Variants in VMP1 observed in about 807,000 individuals in gnomAD.
The protein encoded by VMP1 is vacuole membrane protein 1, also known as ectopic P-granules autophagy protein 3 homolog.
VMP1 carries 11 observed loss-of-function variants against 56.0 expected under a neutral mutation model. The ratio of observed to expected loss-of-function variants is 0.20; its 90% confidence interval spans 0.12 to 0.32. VMP1 has a LOEUF of 0.32. VMP1 is among the 10% of genes least tolerant of loss of function. VMP1 has a pLI of 1.00. For synonymous variants in VMP1, 149 were observed against 165.0 expected (o/e 0.90, Z 0.74); for missense variants, 296 against 490.3 (o/e 0.60, Z 3.74).
intron 7 of VMP1, among the ~76,000 whole-genome samples, chr17:59,798,949 CATTTTAATTTA>C (rs2037544658): frequency 2.6e-5 from 4 of 152,162 alleles, no homozygotes; most frequent in Non-Finnish European, 5.9e-5. Context: ...TTTCACACCG[CATTTTAATTTA>C]ATGAAACTGC....
chr17:59,832,156 CA>C (rs1183506976), intron 10 of VMP1, among the ~76,000 whole-genome samples: 1 of 148,296 alleles, frequency 6.7e-6, no homozygotes, highest in African/African-American at 2.5e-5. Context: ...TCAAGGTTCA[CA>C]GCAAGGAAAA....
At position 59,738,836 on chromosome 17, in the gene VMP1, G is replaced by T; in HGVS notation, c.304-1G>T. 6.2e-7 allele frequency: 1 copy of T among 1,605,950 alleles called. No individual in the cohort carries two copies. Among genetic ancestry groups the T allele is most frequent in the Non-Finnish European group, 8.5e-7 (1 of 1,175,508 alleles). On this transcript the variant is annotated splice_acceptor_variant, in intron 4 of 11. Coordinates refer to ENST00000262291, the MANE Select transcript of VMP1 (RefSeq NM_030938.5). LOFTEE classifies it high-confidence loss of function. ...GTTTTCACCTCATCCCTTTTTTTCA[G>T]TATGTGCAACGTATAGAGAAACAGT...
chr17:59,719,237 T>G (rs2034295901), intron 1 of VMP1, among the ~76,000 whole-genome samples: 1 of 152,138 alleles, frequency 6.6e-6, no homozygotes, highest in Non-Finnish European at 1.5e-5. Flanking sequence ...GAGCATCGCT[T>G]GAGCCCAAGA....
intron 10 of VMP1, among the ~76,000 whole-genome samples, chr17:59,832,365 A>G (rs567860734): frequency 3.3e-5 from 5 of 151,670 alleles, no homozygotes; most frequent in South Asian, 2.1e-4. Context: ...GGATTTCGCC[A>G]TGTTGCCCAG....
At chr17:59,751,237 A>C (rs2035630932) in intron 5 of VMP1, among the ~76,000 whole-genome samples, 1 of 152,010 alleles carries the variant, frequency 6.6e-6, no homozygotes, top group Admixed American at 6.6e-5. Context: ...CCATTGACAG[A>C]TTTATTTTAG....
chr17:59,818,631 G>A (rs545905454), intron 10 of VMP1, among the ~76,000 whole-genome samples: 48 of 151,888 alleles, frequency 3.2e-4, no homozygotes, highest in Non-Finnish European at 5.3e-4. Context: ...TTAGCCGGGC[G>A]TGGTGGCACA....
intron 10 of VMP1, among the ~76,000 whole-genome samples, chr17:59,824,627 C>T (rs1339173985): frequency 1.3e-5 from 2 of 149,128 alleles, no homozygotes; most frequent in East Asian, 3.9e-4. Context: ...AATCCCAGCA[C>T]TTTGGGAGGC....
intron 5 of VMP1, among the ~76,000 whole-genome samples, chr17:59,742,053 G>A (rs2035246974): frequency 6.6e-6 from 1 of 152,114 alleles, no homozygotes; most frequent in African/African-American, 2.4e-5. Flanking sequence ...CATATTATGT[G>A]AAAGTATGTG....
At chr17:59,757,335 T>G (rs1046399718) in intron 5 of VMP1, among the ~76,000 whole-genome samples, 12 of 152,182 alleles carry the variant, frequency 7.9e-5, no homozygotes, top group African/African-American at 2.9e-4. Context: ...CAATTTTTTT[T>G]GAATTCTAAG....
At chr17:59,771,226 G>A (rs537630595) in intron 6 of VMP1, among the ~76,000 whole-genome samples, 12 of 151,124 alleles carry the variant, frequency 7.9e-5, no homozygotes, top group Admixed American at 7.3e-4. Context: ...AGGCTGGAGT[G>A]CAGTGGCACA....
chr17:59,758,642 T>C (rs910816894), intron 5 of VMP1, among the ~76,000 whole-genome samples: 5 of 145,686 alleles, frequency 3.4e-5, no homozygotes, highest in African/African-American at 1.0e-4. Flanking sequence ...CTGGGCAACA[T>C]AGGGGGACCC....
chr17:59,780,642 A>C (rs1319171426), intron 7 of VMP1, among the ~76,000 whole-genome samples: 3 of 152,076 alleles, frequency 2.0e-5, no homozygotes, highest in Admixed American at 1.3e-4. Flanking sequence ...GCTGGAATGT[A>C]GTGGCGCCAT....
At chr17:59,807,832 CAAAA>C (rs543862899) in intron 7 of VMP1, among the ~76,000 whole-genome samples, 58 of 85,658 alleles carry the variant, frequency 6.8e-4, no homozygotes, top group Admixed American at 4.8e-3. Context: ...AACTCCGTCT[CAAAA>C]AAAAAAAAAA....
At position 59,773,750 on chromosome 17, in the gene VMP1, C is replaced by T; in HGVS notation, c.583-4C>T. The T allele has an allele frequency of 6.3e-7, 1 of 1,593,592 alleles. No homozygotes were observed. The highest frequency in any genetic ancestry group is 8.5e-7 in the Non-Finnish European group (1 of 1,171,974). ...CATTGTAAGTATTTTGGTTTTTCAC[C>T]TAGGGTATCGGTACAGCAATCGGAG... On this transcript the variant is annotated splice_region_variant and splice_polypyrimidine_tract_variant and intron_variant, in intron 6 of 11. Transcript: ENST00000262291.
At chr17:59,804,898 A>G (rs1206721960) in intron 7 of VMP1, among the ~76,000 whole-genome samples, 1 of 152,138 alleles carries the variant, frequency 6.6e-6, no homozygotes, top group Admixed American at 6.6e-5. Flanking sequence ...AGATTATTTG[A>G]TATATAATGT....
intron 7 of VMP1, chr17:59,784,829 A>C (rs1568141524): frequency 6.6e-6 from 1 of 152,176 alleles, no homozygotes; most frequent in African/African-American, 2.4e-5. Context: ...TGAAGATAAT[A>C]TAAAAGACAC....
intron 10 of VMP1, among the ~76,000 whole-genome samples, chr17:59,818,812 G>T (rs2038338890): frequency 6.6e-6 from 1 of 152,170 alleles, no homozygotes; most frequent in African/African-American, 2.4e-5. Context: ...TATTATAGGG[G>T]AGAGGTTTTC....
intron 1 of VMP1, among the ~76,000 whole-genome samples, chr17:59,716,523 T>C (rs1216646497): frequency 1.3e-5 from 2 of 152,114 alleles, no homozygotes; most frequent in Non-Finnish European, 2.9e-5. Context: ...CTGGACTGTT[T>C]TGTATAGTAG....
chr17:59,826,828 C>T (rs538203410), intron 10 of VMP1, among the ~76,000 whole-genome samples: 1 of 152,286 alleles, frequency 6.6e-6, no homozygotes, highest in Admixed American at 6.5e-5. Context: ...AAGGGGGACA[C>T]TCCTGAGGGA....
Sources: gnomAD v4.1 joint callset for allele counts (sites outside exome capture counted in the v4.1 genomes callset) on GRCh38, gnomAD v4.1.1 for gene constraint, MANE v1.5 for transcripts, NCBI Gene and HGNC (gene_info 2026-07-23, HGNC 2026-07-21) for gene names.